Variants in ADAMTS17 observed in about 807,000 individuals in gnomAD.
ADAMTS17 encodes ADAM metallopeptidase with thrombospondin type 1 motif 17.
Under a neutral mutation model 141.5 loss-of-function variants are expected in ADAMTS17, and 113 were observed. The ratio of observed to expected loss-of-function variants is 0.80; its 90% CI spans 0.69 to 0.93. The LOEUF (loss-of-function observed/expected upper bound fraction) is 0.93, where lower values mean the gene tolerates loss of function less well. Among genes scored for constraint, ADAMTS17 ranks in the 40% least tolerant of loss-of-function variants. ADAMTS17 has a pLI of 0.00. For missense variants in ADAMTS17, 1,659 were observed against 1,517.9 expected (o/e 1.09, Z -1.54); for synonymous variants, 768 against 630.6 (o/e 1.22, Z -3.27).
chr15:100,311,709 G>C (rs971709450), intron 3 of ADAMTS17, among the ~76,000 whole-genome samples: 1 of 151,738 alleles, frequency 6.6e-6, no homozygotes, highest in African/African-American at 2.4e-5. Context: ...TTTATTTTTT[G>C]TTTCAATGTT....
chr15:100,032,100 G>A (rs973161430), intron 18 of ADAMTS17, among the ~76,000 whole-genome samples: 3 of 152,122 alleles, frequency 2.0e-5, no homozygotes, highest in Non-Finnish European at 4.4e-5. Context: ...ATTCCTGAAC[G>A]GGTATCAAAG....
At chr15:100,057,451 G>A (rs1435997351) in intron 15 of ADAMTS17, among the ~76,000 whole-genome samples, 2 of 152,146 alleles carry the variant, frequency 1.3e-5, no homozygotes, top group South Asian at 2.1e-4. Context: ...TCCTTGCTGG[G>A]CCACCAGCAC....
At chr15:100,015,444 T>C (rs1229323259) in intron 18 of ADAMTS17, among the ~76,000 whole-genome samples, 1 of 152,162 alleles carries the variant, frequency 6.6e-6, no homozygotes, top group African/African-American at 2.4e-5. Context: ...TTAACTTGTA[T>C]TTTTGTTTTA....
intron 7 of ADAMTS17, among the ~76,000 whole-genome samples, chr15:100,239,370 G>C (rs572242884): frequency 1.3e-5 from 2 of 152,350 alleles, no homozygotes; most frequent in East Asian, 3.9e-4. Context: ...CGCTGGTTGT[G>C]GTCTTTCCTA....
At chr15:100,309,387 T>G (rs2045331395) in intron 3 of ADAMTS17, among the ~76,000 whole-genome samples, 1 of 152,050 alleles carries the variant, frequency 6.6e-6, no homozygotes, top group African/African-American at 2.4e-5. Context: ...GAATGGCTAT[T>G]CCCCACAGCT....
chr15:100,338,615 GAGA>G (rs1366230353), intron 2 of ADAMTS17, among the ~76,000 whole-genome samples: 4 of 114,424 alleles, frequency 3.5e-5, no homozygotes, highest in East Asian at 2.6e-4. Flanking sequence ...TGGTCCTTAA[GAGA>G]AGAAGTTTGC....
At chr15:100,303,975 C>T (rs1315559251) in intron 3 of ADAMTS17, among the ~76,000 whole-genome samples, 1 of 152,202 alleles carries the variant, frequency 6.6e-6, no homozygotes, top group Non-Finnish European at 1.5e-5. Context: ...CCACCCGCTT[C>T]GGCCTCCCAA....
At chr15:100,025,777 C>A (rs8043264) in intron 18 of ADAMTS17, among the ~76,000 whole-genome samples, 6,494 of 152,134 alleles carry the variant, frequency 0.043, 461 homozygotes, top group African/African-American at 0.15. Context: ...TACACTTGAT[C>A]TCAACTTTGT....
intron 7 of ADAMTS17, among the ~76,000 whole-genome samples, chr15:100,243,659 G>T (rs11858828): frequency 6.6e-6 from 1 of 151,914 alleles, no homozygotes; most frequent in Non-Finnish European, 1.5e-5. Flanking sequence ...GCGTAATGGC[G>T]CATGCCTGTA....
At chr15:100,267,281 TC>T (rs966680408) in intron 4 of ADAMTS17, among the ~76,000 whole-genome samples, 19 of 152,122 alleles carry the variant, frequency 1.2e-4, no homozygotes, top group African/African-American at 4.3e-4. Context: ...TCAAAGTTCA[TC>T]CATGCTGTGG....
At chr15:100,136,518 T>G (rs2038341485) in intron 10 of ADAMTS17, among the ~76,000 whole-genome samples, 1 of 152,340 alleles carries the variant, frequency 6.6e-6, no homozygotes, top group East Asian at 1.9e-4. Flanking sequence ...CCTGCATTCA[T>G]GTCATGCATT....
intron 3 of ADAMTS17, among the ~76,000 whole-genome samples, chr15:100,283,844 G>A (rs892460067): frequency 4.6e-5 from 7 of 152,258 alleles, no homozygotes; most frequent in East Asian, 1.9e-4. Context: ...AGTGGCTCAC[G>A]CCTGTAATCC....
chr15:100,163,826 C>T (rs80330743), intron 8 of ADAMTS17, among the ~76,000 whole-genome samples: 2,359 of 152,306 alleles, frequency 0.015, 27 homozygotes, highest in Non-Finnish European at 0.024. Flanking sequence ...TTTAGACTCT[C>T]GCTCTGTCAA....
At chr15:100,072,409 T>C (rs2034040744) in intron 15 of ADAMTS17, among the ~76,000 whole-genome samples, 1 of 149,420 alleles carries the variant, frequency 6.7e-6, no homozygotes, top group East Asian at 2.0e-4. Context: ...AAAACTACTT[T>C]AAAGTTCCTA....
At chr15:100,266,132 G>A (rs1408030834) in intron 4 of ADAMTS17, among the ~76,000 whole-genome samples, 3 of 152,332 alleles carry the variant, frequency 2.0e-5, no homozygotes, top group Non-Finnish European at 4.4e-5. Flanking sequence ...CGTTAAGGAA[G>A]CTAAGAACAA....
At chr15:100,149,896 C>T (rs558520280) in intron 10 of ADAMTS17, among the ~76,000 whole-genome samples, 29 of 152,210 alleles carry the variant, frequency 1.9e-4, no homozygotes, top group Non-Finnish European at 2.8e-4. Context: ...GTCACTGCTA[C>T]CCCACAGTCA....
At chr15:100,041,060 C>T (rs1457046202) in intron 18 of ADAMTS17, among the ~76,000 whole-genome samples, 1 of 152,202 alleles carries the variant, frequency 6.6e-6, no homozygotes, top group African/African-American at 2.4e-5. Context: ...CATGGTCTCT[C>T]TCTCTGTCTC....
intron 1 of ADAMTS17, 86 bp downstream of exon 1, chr15:100,341,735 C>T: frequency 6.8e-7 from 1 of 1,479,280 alleles, no homozygotes; most frequent in Non-Finnish European, 9.0e-7. Context: ...CCGCCGCCGC[C>T]CCCGGGCCGC....
In ADAMTS17 at chr15:100,175,180, C is replaced by T. The variant is rs146110484; in HGVS notation, c.1182-19860G>A. On this transcript the variant is annotated intron_variant, in intron 8 of 21. Transcript: ENST00000268070. ...GTACTCAGCTGTTCCAGTTCCTATG[C>T]CTTTTTAAAAAAGTAACTCTGATAT... Among the ~76,000 whole-genome samples, 388 of 152,276 alleles carry T rather than the reference C, an allele frequency of 2.5e-3. 1 individual carries two copies. Among genetic ancestry groups the T allele is most frequent in the African/African-American group, 8.8e-3 (366 of 41,560 alleles).
Sources: gnomAD v4.1 joint callset for allele counts (sites outside exome capture counted in the v4.1 genomes callset) on GRCh38, gnomAD v4.1.1 for gene constraint, MANE v1.5 for transcripts, NCBI Gene and HGNC (gene_info 2026-07-23, HGNC 2026-07-21) for gene names.